The following CALN1 variants were observed in gnomAD, a reference collection of about 807,000 sequenced individuals.
CALN1 encodes the protein calcium-binding protein 8.
In CALN1, 17 loss-of-function variants were observed where a neutral mutation model predicts 30.6. The observed-to-expected ratio is 0.56, with a 90% CI of 0.38 to 0.83. CALN1 has a LOEUF of 0.83. Ranked by LOEUF, CALN1 falls within the 40% of genes least tolerant of loss-of-function variation. The pLI is 0.00. For synonymous variants in CALN1, 156 were observed against 131.4 expected (o/e 1.19, Z -1.28); for missense variants, 291 against 354.9 (o/e 0.82, Z 1.45).
At chr7:72,271,575 A>AAATAT in intron 3 of CALN1, among the ~76,000 whole-genome samples, 1 of 52,126 alleles carries the variant, frequency 1.9e-5, no homozygotes, top group East Asian at 9.9e-4. Flanking sequence ...AAAAAAAAAA[A>AAATAT]ATATATATAT....
At chr7:71,916,433 T>C (rs532478856) in intron 5 of CALN1, among the ~76,000 whole-genome samples, 17 of 152,064 alleles carry the variant, frequency 1.1e-4, no homozygotes, top group African/African-American at 3.9e-4. Context: ...AAGGCATCAA[T>C]GATTTTCTGG....
intron 3 of CALN1, among the ~76,000 whole-genome samples, chr7:72,210,741 G>A (rs1328893465): frequency 2.0e-5 from 3 of 152,046 alleles, no homozygotes; most frequent in Non-Finnish European, 4.4e-5. Flanking sequence ...TCTCTCCCTT[G>A]ACACGTCATG....
At chr7:72,389,846 G>C (rs1213661571) in intron 2 of CALN1, among the ~76,000 whole-genome samples, 1 of 151,848 alleles carries the variant, frequency 6.6e-6, no homozygotes, top group Non-Finnish European at 1.5e-5. Flanking sequence ...TTGAACCCGG[G>C]AGGCGGAGGT....
intron 5 of CALN1, among the ~76,000 whole-genome samples, chr7:71,998,399 GAC>G (rs1457369543): frequency 6.6e-6 from 1 of 151,982 alleles, no homozygotes; most frequent in Non-Finnish European, 1.5e-5. Flanking sequence ...TAATGATTGA[GAC>G]ACAAATTATT....
At chr7:71,808,772 G>C (rs12699094) in intron 6 of CALN1, among the ~76,000 whole-genome samples, 53,977 of 151,936 alleles carry the variant, frequency 0.36, 10,268 homozygotes, top group East Asian at 0.6. Flanking sequence ...CAAGAGTGCT[G>C]ACTAGCAGTA....
intron 5 of CALN1, among the ~76,000 whole-genome samples, chr7:71,964,134 C>T (rs746271152): frequency 3.3e-5 from 5 of 152,198 alleles, no homozygotes; most frequent in African/African-American, 4.8e-5. Flanking sequence ...CTTTGGCTTA[C>T]GCATTCCCCT....
At chr7:72,262,718 A>G (rs1165599442) in intron 3 of CALN1, among the ~76,000 whole-genome samples, 3 of 152,292 alleles carry the variant, frequency 2.0e-5, no homozygotes, top group African/African-American at 7.2e-5. Flanking sequence ...TCCATGTTGT[A>G]TATGTACTAC....
intron 3 of CALN1, among the ~76,000 whole-genome samples, chr7:72,164,849 AT>A (rs953269466): frequency 6.6e-6 from 1 of 151,884 alleles, no homozygotes; most frequent in Non-Finnish European, 1.5e-5. Context: ...TTTGGGTGGT[AT>A]TTTTTAGGGT....
intron 3 of CALN1, among the ~76,000 whole-genome samples, chr7:72,245,569 G>A (rs1795104272): frequency 1.3e-5 from 2 of 151,944 alleles, no homozygotes. Context: ...AGTGAGCCGA[G>A]ATTGCACCAC....
chr7:72,061,256 A>C (rs983508371), intron 4 of CALN1, among the ~76,000 whole-genome samples: 1 of 152,240 alleles, frequency 6.6e-6, no homozygotes, highest in Non-Finnish European at 1.5e-5. Context: ...GCATATGAAG[A>C]AGCAGGAAAA....
Position 72,412,161 on chromosome 7 carries a change from G to C in CALN1, c.-177C>G, listed in dbSNP as rs1001840741. 3.9e-5 allele frequency: 6 copies of C among 152,732 alleles called. No individual in the cohort carries two copies. The highest frequency in any genetic ancestry group is 8.8e-5 in the Non-Finnish European group (6 of 68,228). 9.5% of individuals were successfully genotyped at this position (152,732 alleles called of 1,614,324 possible). On this transcript the variant is annotated 5_prime_UTR_variant, in exon 1 of 7. Transcript: ENST00000395275. Reference sequence around the variant, plus strand: ...GTGTTACAGCTCTTAAAGATGGCGCGTCCGGAGTCGTCTGCTCCTCCCGGT... The same window carrying C: ...GTGTTACAGCTCTTAAAGATGGCGCCTCCGGAGTCGTCTGCTCCTCCCGGT...
intron 5 of CALN1, among the ~76,000 whole-genome samples, chr7:71,972,607 GAT>G (rs1797904355): frequency 6.6e-6 from 1 of 152,190 alleles, no homozygotes; most frequent in Non-Finnish European, 1.5e-5. Context: ...AAAGCTGTCA[GAT>G]GAGATTTAGA....
At chr7:72,206,429 T>G (rs1039257405) in intron 3 of CALN1, among the ~76,000 whole-genome samples, 1 of 152,202 alleles carries the variant, frequency 6.6e-6, no homozygotes, top group Non-Finnish European at 1.5e-5. Context: ...GTAATATTAC[T>G]TCTGCCTCTT....
At chr7:72,068,895 G>A (rs1373972645) in intron 4 of CALN1, among the ~76,000 whole-genome samples, 1 of 152,184 alleles carries the variant, frequency 6.6e-6, no homozygotes, top group African/African-American at 2.4e-5. Flanking sequence ...CCATCACATA[G>A]ATGTAAAATA....
the CALN1 span, among the ~76,000 whole-genome samples, chr7:72,462,176 A>G: frequency 6.6e-6 from 1 of 151,664 alleles, no homozygotes; most frequent in East Asian, 1.9e-4. Context: ...GTATGTATGT[A>G]TGTATTTATT....
At position 71,860,426 on chromosome 7, in the gene CALN1, C is replaced by T. The variant is rs772732811; in HGVS notation, c.502-49934G>A. 2.6e-5 allele frequency among the ~76,000 whole-genome samples: 4 copies of T among 152,210 alleles called. No individual in the cohort carries two copies. In the South Asian group the frequency reaches 6.2e-4, roughly 24 times the overall value. On this transcript the variant is annotated intron_variant, in intron 5 of 6. Coordinates refer to ENST00000395275, the MANE Select transcript of CALN1 (RefSeq NM_031468.4). Reference sequence around the variant, plus strand: ...CAAGCTGGTCTTGAACTCCTGACCTCGTGATCCTCCCGCCTTGGCCTCCCA... The same window carrying T: ...CAAGCTGGTCTTGAACTCCTGACCTTGTGATCCTCCCGCCTTGGCCTCCCA...
chr7:72,246,810 T>C (rs1795198701), intron 3 of CALN1, among the ~76,000 whole-genome samples: 1 of 145,536 alleles, frequency 6.9e-6, no homozygotes, highest in Non-Finnish European at 1.5e-5. Context: ...ACTGGGGTGC[T>C]GTGGCGCAAT....
the CALN1 span, among the ~76,000 whole-genome samples, chr7:72,500,765 T>C: frequency 2.0e-5 from 3 of 152,220 alleles, no homozygotes; most frequent in Admixed American, 6.5e-5. Flanking sequence ...TATTATCTTA[T>C]TCTTTGTGCA....
intron 1 of CALN1, among the ~76,000 whole-genome samples, chr7:72,443,589 C>G (rs1189385880): frequency 6.6e-6 from 1 of 151,962 alleles, no homozygotes; most frequent in Non-Finnish European, 1.5e-5. Flanking sequence ...ATTTCATAGC[C>G]ACCTCTGTTG....
Sources: gnomAD v4.1 joint callset for allele counts (sites outside exome capture counted in the v4.1 genomes callset) on GRCh38, gnomAD v4.1.1 for gene constraint, MANE v1.5 for transcripts, NCBI Gene and HGNC (gene_info 2026-07-23, HGNC 2026-07-21) for gene names.